ARHGEF38: variants seen among roughly 807,000 people sequenced by gnomAD.
The protein encoded by ARHGEF38 is Rho guanine nucleotide exchange factor 38.
In ARHGEF38, 79 loss-of-function variants were observed where a neutral mutation model predicts 79.9. The observed-to-expected ratio is 0.99, with a 90% CI of 0.82 to 1.19. The LOEUF (loss-of-function observed/expected upper bound fraction) is 1.19, where lower values mean the gene tolerates loss of function less well. Ranked by LOEUF, ARHGEF38 falls within the 50% of genes most tolerant of loss-of-function variation. The pLI is 0.00. For missense variants in ARHGEF38, 962 were observed against 907.2 expected, an observed-to-expected ratio of 1.06 and a Z score of -0.78; for synonymous variants, 366 against 328.3, an observed-to-expected ratio of 1.11 and a Z score of -1.24.
chr4:105,579,386 T>C (rs199320), intron 1 of ARHGEF38, among the ~76,000 whole-genome samples: 126,080 of 152,118 alleles, frequency 0.83, 52,672 homozygotes, highest in South Asian at 0.93. Flanking sequence ...ATGGCTCTTA[T>C]TATTTTAAGA....
chr4:105,552,733 C>A lies in ARHGEF38; in HGVS notation c.-33C>A. The A allele has an allele frequency of 6.4e-7, 1 of 1,560,360 alleles. No individual in the cohort carries two copies. On this transcript the variant is annotated 5_prime_UTR_variant, in exon 1 of 14. Transcript: ENST00000420470. ...GAGGCACCTTAGCAATCAGCCATTG[C>A]CTGCAAGCCTCCAAAGCTTGTCTTT... is the stretch of plus-strand genomic sequence containing the variant.
intron 13 of ARHGEF38, among the ~76,000 whole-genome samples, chr4:105,674,884 CTATT>C (rs1281539722): frequency 6.6e-6 from 1 of 151,990 alleles, no homozygotes; most frequent in East Asian, 1.9e-4. Flanking sequence ...TAGAAATGTT[CTATT>C]AGTAGGCAAT....
intron 5 of ARHGEF38, among the ~76,000 whole-genome samples, chr4:105,638,091 G>A (rs1268890668): frequency 6.6e-6 from 1 of 152,170 alleles, no homozygotes; most frequent in Non-Finnish European, 1.5e-5. Flanking sequence ...CTGTGTAATT[G>A]TTGGGTTCTT....
intron 4 of ARHGEF38, chr4:105,631,660 T>C (rs1233681881): frequency 1.8e-5 from 18 of 983,480 alleles, no homozygotes; most frequent in Non-Finnish European, 2.2e-5. Context: ...ATGTGTAAGA[T>C]AAAAACCCCT....
intron 2 of ARHGEF38, among the ~76,000 whole-genome samples, chr4:105,597,047 AC>A (rs1238447070): frequency 6.6e-6 from 1 of 151,998 alleles, no homozygotes; most frequent in Non-Finnish European, 1.5e-5. Context: ...AGCTCCTCAG[AC>A]CCCCAACTTG....
intron 2 of ARHGEF38, among the ~76,000 whole-genome samples, chr4:105,607,980 C>G (rs1217399623): frequency 1.3e-5 from 2 of 151,824 alleles, no homozygotes; most frequent in Non-Finnish European, 2.9e-5. Context: ...AAAAAAAATG[C>G]CATAAACTGG....
intron 1 of ARHGEF38, among the ~76,000 whole-genome samples, chr4:105,567,287 G>A (rs1461071073): frequency 6.6e-6 from 1 of 152,114 alleles, no homozygotes; most frequent in Non-Finnish European, 1.5e-5. Context: ...TGATTTGTTT[G>A]CAGAATCTTT....
At position 105,679,758 on chromosome 4, in the gene ARHGEF38, G is replaced by T; in HGVS notation, c.*1821G>T. 2.2e-6 allele frequency: 2 copies of T among 913,324 alleles called. No individual in the cohort carries two copies. Among genetic ancestry groups the T allele is most frequent in the South Asian group, 1.3e-5 (1 of 75,748 alleles). 56.6% of individuals were successfully genotyped at this position (913,324 alleles called of 1,614,324 possible). ...GTCTTAGTTGACCTTTCTCTTGGTT[G>T]ATAAAAACATATACAAACCCCTGTC... On this transcript the variant is annotated 3_prime_UTR_variant, in exon 14 of 14. Coordinates refer to ENST00000420470, the MANE Select transcript of ARHGEF38 (RefSeq NM_001242729.2).
At chr4:105,682,382 A>G (rs147779765), downstream of ARHGEF38, 81 of 183,514 alleles carry the variant, frequency 4.4e-4, no homozygotes, top group African/African-American at 1.8e-3. Flanking sequence ...CTGCCGCCAC[A>G]TAAGGCACCT....
In ARHGEF38 at chr4:105,664,979, A is replaced by G. The variant is rs1044157660; in HGVS notation, c.1546-1198A>G. On this transcript the variant is annotated intron_variant, in intron 10 of 13. Coordinates refer to ENST00000420470, the MANE Select transcript of ARHGEF38 (RefSeq NM_001242729.2). ...TGAATCCATTTGGAAGCCAGAGAGC[A>G]AGAAAGCTGTTTTGTTGTTGCTGTT... Among the ~76,000 whole-genome samples the G allele has an allele frequency of 2.0e-5, 3 of 152,224 alleles. No individual in the cohort carries two copies. In the East Asian group the frequency reaches 5.8e-4, roughly 30 times the overall value.
chr4:105,648,216 A>G (rs552429918), intron 6 of ARHGEF38, among the ~76,000 whole-genome samples: 1 of 152,148 alleles, frequency 6.6e-6, no homozygotes, highest in African/African-American at 2.4e-5. Flanking sequence ...TTAGATCTTG[A>G]TTCCCCATTC....
intron 1 of ARHGEF38, among the ~76,000 whole-genome samples, chr4:105,571,115 A>T (rs1385592154): frequency 6.6e-6 from 1 of 152,204 alleles, no homozygotes; most frequent in Non-Finnish European, 1.5e-5. Flanking sequence ...TTGTCCAACA[A>T]TGTGAATGCA....
chr4:105,679,295 T>C lies in ARHGEF38; in HGVS notation c.*1358T>C. ...CACTGAGAGTATCCAGCCGGAATCA[T>C]GCCACTTTGCCTGTAACCTTTGACT... On this transcript the variant is annotated 3_prime_UTR_variant, in exon 14 of 14. Transcript: ENST00000420470. 1 of 743,368 alleles carries C rather than the reference T, an allele frequency of 1.3e-6. No individual in the cohort carries two copies. Among genetic ancestry groups the C allele is most frequent in the Non-Finnish European group, 2.4e-6 (1 of 422,180 alleles). The allele number at this position is 743,368 out of a possible 1,614,324, so 46.0% of individuals were successfully genotyped here.
At chr4:105,594,199 C>T (rs1485351804) in intron 2 of ARHGEF38, among the ~76,000 whole-genome samples, 3 of 152,104 alleles carry the variant, frequency 2.0e-5, no homozygotes, top group African/African-American at 4.8e-5. Flanking sequence ...AATAAATGTT[C>T]GGGTACTCAT....
Position 105,645,223 on chromosome 4 carries a change from T to A in ARHGEF38, c.710T>A (p.Met237Lys). 1 of 1,532,254 alleles carries A rather than the reference T, an allele frequency of 6.5e-7. No homozygotes were observed. The highest frequency in any genetic ancestry group is 2.0e-5 in the Admixed American group (1 of 49,956). 94.9% of individuals were successfully genotyped at this position (1,532,254 alleles called of 1,614,324 possible). Residue 237 changes from methionine to lysine, a missense_variant, in exon 6 of 14, where the codon ATG (methionine) becomes AAG (lysine). Physicochemically the swap from Met to Lys is moderately conservative, Grantham distance 95. Transcript: ENST00000420470. ...KPNLLDMGSL[M>K]IKPIQRVMKY... is the part of the protein sequence containing the mutation. ...AACTTATTGGACATGGGCTCTTTGA[T>A]GATCAAACCAATTCAACGTGTGATG...
chr4:105,585,992 A>G (rs954169663), intron 1 of ARHGEF38, among the ~76,000 whole-genome samples: 4 of 151,902 alleles, frequency 2.6e-5, no homozygotes, highest in African/African-American at 9.7e-5. Context: ...CGGCCTCCCA[A>G]AGTGTTGGGA....
At chr4:105,666,352 C>T (rs1284930878) in intron 11 of ARHGEF38, 32 bp downstream of exon 11, 1 of 1,492,732 alleles carries the variant, frequency 6.7e-7, no homozygotes, top group East Asian at 2.5e-5. Flanking sequence ...ACAATGATAA[C>T]TTTCACCTCT....
At chr4:105,564,731 C>A (rs2110408465) in intron 1 of ARHGEF38, among the ~76,000 whole-genome samples, 1 of 152,294 alleles carries the variant, frequency 6.6e-6, no homozygotes, top group African/African-American at 2.4e-5. Flanking sequence ...CCCAATTTGA[C>A]TCTATCTCAT....
At chr4:105,596,009 T>C (rs1727560729) in intron 2 of ARHGEF38, among the ~76,000 whole-genome samples, 1 of 152,200 alleles carries the variant, frequency 6.6e-6, no homozygotes, top group Non-Finnish European at 1.5e-5. Context: ...AATATGAAAT[T>C]GAAAATTTAA....
Sources: gnomAD v4.1 joint callset for allele counts (sites outside exome capture counted in the v4.1 genomes callset) on GRCh38, gnomAD v4.1.1 for gene constraint, MANE v1.5 for transcripts, NCBI Gene and HGNC (gene_info 2026-07-23, HGNC 2026-07-21) for gene names.